SKP2: variants seen among roughly 807,000 people sequenced by gnomAD.
SKP2 encodes S-phase kinase associated protein 2.
In SKP2, 16 loss-of-function variants were observed where a neutral mutation model predicts 51.8. The ratio of observed to expected loss-of-function variants is 0.31; its 90% CI spans 0.21 to 0.47. The LOEUF is 0.47. SKP2 is among the 20% of genes least tolerant of loss of function. The pLI is 1.00. For synonymous variants in SKP2, 176 were observed against 198.6 expected, an observed-to-expected ratio of 0.89 and a Z score of 0.96; for missense variants, 377 against 505.3, an observed-to-expected ratio of 0.75 and a Z score of 2.43.
chr5:36,162,746 T>C (rs1163839101), intron 2 of SKP2, among the ~76,000 whole-genome samples: 2 of 152,192 alleles, frequency 1.3e-5, no homozygotes, highest in Non-Finnish European at 2.9e-5. Flanking sequence ...AGCATATTAG[T>C]CTGTTCTCAT....
intron 4 of SKP2, 88 bp from the exon 5 acceptor site, chr5:36,168,225 C>A: frequency 8.0e-7 from 1 of 1,257,134 alleles, no homozygotes; most frequent in Non-Finnish European, 1.1e-6. Flanking sequence ...TGATTGGCTG[C>A]TCATTTGGGG....
Position 36,182,693 on chromosome 5 carries a change from A to G in SKP2, c.*662A>G, listed in dbSNP as rs1745850112. The G allele has an allele frequency of 1.6e-5, 16 of 979,224 alleles. No individual in the cohort carries two copies. The highest frequency in any genetic ancestry group is 1.9e-5 in the Non-Finnish European group (16 of 824,326). 60.7% of individuals were successfully genotyped at this position (979,224 alleles called of 1,614,324 possible). A position where few individuals can be genotyped will look rare whatever the true frequency, so the allele number is the denominator to read the frequency against. ...AATATAGGATTTGAAGGCCCAGCAG[A>G]CAGTTTTCTATGACAGGTTAATCTG... On this transcript the variant is annotated 3_prime_UTR_variant, in exon 10 of 10. Transcript: ENST00000274255.
chr5:36,184,206 C>T lies in SKP2; in HGVS notation c.*2175C>T, dbSNP rs987878682. The T allele has an allele frequency of 8.5e-6, 3 of 354,062 alleles. No homozygotes were observed. The highest frequency in any genetic ancestry group is 2.1e-5 in the African/African-American group (1 of 46,886). The allele number at this position is 354,062 out of a possible 1,614,324, so 21.9% of individuals were successfully genotyped here. A position where few individuals can be genotyped will look rare whatever the true frequency, so the allele number is the denominator to read the frequency against. On this transcript the variant is annotated 3_prime_UTR_variant, in exon 10 of 10. Coordinates refer to ENST00000274255, the MANE Select transcript of SKP2 (RefSeq NM_005983.4). The stretch of plus-strand genomic sequence containing the variant: ...ACCCATCTACTTCATATGCTTGTCA[C>T]ATTAAAAAAAAAAGTTTATAATGCC...
chr5:36,157,160 C>CA (rs5867305), intron 2 of SKP2, among the ~76,000 whole-genome samples: 116,965 of 152,028 alleles, frequency 0.77, 46,907 homozygotes, highest in Non-Finnish European at 0.89. Flanking sequence ...ATGGGATCTT[C>CA]CCAGTCATCT....
intron 2 of SKP2, among the ~76,000 whole-genome samples, chr5:36,153,588 TGA>T (rs999104367): frequency 2.1e-4 from 32 of 152,058 alleles, no homozygotes; most frequent in African/African-American, 7.7e-4. Context: ...CCCGAAAACC[TGA>T]GAGTCAGTCA....
chr5:36,160,578 C>A (rs369644070), intron 2 of SKP2, among the ~76,000 whole-genome samples: 3 of 152,154 alleles, frequency 2.0e-5, no homozygotes, highest in African/African-American at 4.8e-5. Context: ...TTAATAAATA[C>A]GTGAGTGGAT....
chr5:36,169,456 A>T (rs74751078), intron 5 of SKP2, among the ~76,000 whole-genome samples: 1 of 147,404 alleles, frequency 6.8e-6, no homozygotes, highest in East Asian at 2.0e-4. Flanking sequence ...AAAAAAAAAT[A>T]AAAAAAGGGA....
intron 7 of SKP2, 88 bp from the exon 8 acceptor site, chr5:36,176,877 C>A: frequency 2.5e-6 from 2 of 807,898 alleles, no homozygotes; most frequent in Admixed American, 2.3e-5. Flanking sequence ...GAACTTCCAG[C>A]ATGATGTTCA....
At chr5:36,189,661 G>A (rs1452172502) in intron 6 of SKP2, among the ~76,000 whole-genome samples, 3 of 152,212 alleles carry the variant, frequency 2.0e-5, no homozygotes, top group African/African-American at 7.2e-5. Flanking sequence ...AGGCTGCTCG[G>A]GGGTCAGGGA....
At chr5:36,181,217 T>A (rs1312067710) in intron 9 of SKP2, among the ~76,000 whole-genome samples, 1 of 152,188 alleles carries the variant, frequency 6.6e-6, no homozygotes, top group Non-Finnish European at 1.5e-5. Context: ...TTTTCACCCA[T>A]TGTCTCTACC....
chr5:36,184,082 T>C lies in SKP2; in HGVS notation c.*2051T>C. The C allele has an allele frequency of 1.2e-6, 1 of 845,022 alleles. No individual in the cohort carries two copies. Among genetic ancestry groups the C allele is most frequent in the Non-Finnish European group, 1.8e-6 (1 of 548,250 alleles). 52.3% of individuals were successfully genotyped at this position (845,022 alleles called of 1,614,324 possible). A position where few individuals can be genotyped will look rare whatever the true frequency, so the allele number is the denominator to read the frequency against. On this transcript the variant is annotated 3_prime_UTR_variant, in exon 10 of 10. Coordinates refer to ENST00000274255, the MANE Select transcript of SKP2 (RefSeq NM_005983.4). Reference sequence around the variant, plus strand: ...TTTTTCTTTCTCTTTTTTTAAGTGCTGTGGTTAAAATTTGAAAGCATTTAG... The same window carrying C: ...TTTTTCTTTCTCTTTTTTTAAGTGCCGTGGTTAAAATTTGAAAGCATTTAG...
rs760760129 is a variant in SKP2, at chr5:36,184,042, C to CT, written c.*2012dup. 4 of 1,132,812 alleles carry CT rather than the reference C, an allele frequency of 3.5e-6. No homozygotes were observed. The highest frequency in any genetic ancestry group is 2.1e-5 in the Admixed American group (1 of 46,662). The allele number at this position is 1,132,812 out of a possible 1,614,324, so 70.2% of individuals were successfully genotyped here. The stretch of plus-strand genomic sequence containing the variant: ...ATTTTTATAAAAATGAGTGCTTAAA[C>CT]TAAGTTGTATTCCTTTTTTCTTTCT... On this transcript the variant is annotated 3_prime_UTR_variant, in exon 10 of 10. Coordinates refer to ENST00000274255, the MANE Select transcript of SKP2 (RefSeq NM_005983.4).
At chr5:36,168,824 A>G (rs1019530112) in intron 5 of SKP2, among the ~76,000 whole-genome samples, 3 of 152,244 alleles carry the variant, frequency 2.0e-5, no homozygotes, top group Non-Finnish European at 4.4e-5. Flanking sequence ...GCAAGAAGGT[A>G]AACTATTTAT....
At chr5:36,170,139 C>T (rs1745419333) in intron 5 of SKP2, among the ~76,000 whole-genome samples, 1 of 152,078 alleles carries the variant, frequency 6.6e-6, no homozygotes, top group South Asian at 2.1e-4. Flanking sequence ...AATAACTCTG[C>T]CAAGAAGTTT....
At chr5:36,176,639 G>C (rs1256544039) in intron 7 of SKP2, among the ~76,000 whole-genome samples, 1 of 151,734 alleles carries the variant, frequency 6.6e-6, no homozygotes, top group Non-Finnish European at 1.5e-5. Flanking sequence ...TATATTGTTT[G>C]CTTATATATA....
At chr5:36,170,218 AT>A in intron 5 of SKP2, 125 bp from the exon 6 acceptor site, 1 of 541,328 alleles carries the variant, frequency 1.8e-6, no homozygotes, top group Non-Finnish European at 3.3e-6. Flanking sequence ...AGATAGTGAT[AT>A]ACATTTTAAA....
At position 36,189,682 on chromosome 5, in the gene SKP2, A is replaced by G. The variant is rs138922883; in HGVS notation, c.633-2939A>G. On this transcript the variant is annotated intron_variant, in intron 6 of 7. Transcript: ENST00000677886. ...CTCGGGGGTCAGGGACCCACTTGAG[A>G]AGGCATTCTGTCCATTCTCAGATCT... Among the ~76,000 whole-genome samples, 2,248 of 152,280 alleles carry G rather than the reference A, an allele frequency of 0.015. 159 individuals carry two copies. In the East Asian group the frequency reaches 0.21, roughly 14 times the overall value.
Position 36,171,669 on chromosome 5 carries a change from G to T in SKP2, c.837G>T (p.Ala279=). ...AAAAGCATGTACAGGTGGCTGTTGC[G>T]CATGTGTCAGAGACCATCACCCAGC... is the stretch of plus-strand genomic sequence containing the variant. ...FTEKHVQVAV[A]HVSETITQLN... The change falls in exon 7 of 10, where the codon GCG becomes GCT. Residue 279 remains alanine, a synonymous_variant. Transcript: ENST00000274255. The T allele has an allele frequency of 6.2e-7, 1 of 1,613,606 alleles. No individual in the cohort carries two copies. The highest frequency in any genetic ancestry group is 8.5e-7 in the Non-Finnish European group (1 of 1,179,548).
Position 36,153,085 on chromosome 5 carries a change from A to G in SKP2, c.280+43A>G, listed in dbSNP as rs371828918. The G allele has an allele frequency of 3.0e-5, 48 of 1,582,868 alleles. No individual in the cohort carries two copies. In the African/African-American group the frequency reaches 5.7e-4, roughly 19 times the overall value. On this transcript the variant is annotated intron_variant, in intron 2 of 9. Coordinates refer to ENST00000274255, the MANE Select transcript of SKP2 (RefSeq NM_005983.4). ...AAAATGTCAGTTATGCAAAGGGTGG[A>G]TTTAGCTATGTTGTTGGGAAACCTT... is the stretch of plus-strand genomic sequence containing the variant.
Sources: allele counts gnomAD v4.1 joint callset (sites outside exome capture counted in the v4.1 genomes callset), GRCh38; gene constraint gnomAD v4.1.1; transcripts MANE v1.5; gene names NCBI Gene and HGNC (gene_info 2026-07-23, HGNC 2026-07-21).